Variants in DST observed in about 807,000 individuals in gnomAD.
The protein encoded by DST is bullous pemphigoid antigen.
A neutral mutation model predicts 875.2 loss-of-function variants in DST; 253 were observed. That is an observed-to-expected ratio of 0.29 (90% CI 0.26 to 0.32). DST has a LOEUF of 0.32. Ranked by LOEUF, DST falls within the 10% of genes least tolerant of loss-of-function variation. DST has a pLI of 1.00. For missense variants in DST, 8,287 were observed against 9,111.6 expected (o/e 0.91, Z 3.68); for synonymous variants, 3,124 against 3,197.1 (o/e 0.98, Z 0.77).
At chr6:56,938,108 C>CTCTCTCTCTCTCTCTCTA (rs1383243392) in intron 2 of DST, among the ~76,000 whole-genome samples, 6 of 120,724 alleles carry the variant, frequency 5.0e-5, no homozygotes, top group African/African-American at 1.8e-4. Context: ...CTCTCTCTCT[C>CTCTCTCTCTCTCTCTCTA]TATATATATA....
At chr6:56,841,983 T>C (rs1312160273) in intron 4 of DST, among the ~76,000 whole-genome samples, 3 of 152,176 alleles carry the variant, frequency 2.0e-5, no homozygotes, top group Non-Finnish European at 2.9e-5. Flanking sequence ...TCTACAAGGA[T>C]TGCAAGAATT....
In DST at chr6:56,552,389, G is replaced by A; in HGVS notation, c.16403C>T (p.Ala5468Val). The A allele has an allele frequency of 1.2e-6, 2 of 1,613,920 alleles. No individual in the cohort carries two copies. Among genetic ancestry groups the A allele is most frequent in the Non-Finnish European group, 1.7e-6 (2 of 1,179,874 alleles). ...DLVGIKRDLE[A>V]LSKQCNKLLD... is the part of the protein sequence containing the mutation. ...TAACTTGTTGCATTGTTTGCTTAAGGCCTCCAAGTCCCTTTTGATTCCAAC... is the reference window on the plus strand; with the variant it reads ...TAACTTGTTGCATTGTTTGCTTAAGACCTCCAAGTCCCTTTTGATTCCAAC... The change falls in exon 61 of 104, where the codon GCC becomes GTC. Residue 5468 changes from alanine (A) to valine (V), a missense_variant. This residue lies in a region of DST where 777 missense variants were observed against 764.8 expected (regional missense o/e 1.02). Transcript: ENST00000680361.
In DST at chr6:56,676,218, C is replaced by G. The variant is rs562295798; in HGVS notation, c.1048-5411G>C. ...AGTAACTGGCACTACAGGTGCCCAC[C>G]ACCACACCTGGGTAATTTTTTGTAT... On this transcript the variant is annotated intron_variant, in intron 9 of 103. Coordinates refer to ENST00000680361, the MANE Select transcript of DST (RefSeq NM_001374736.1). Among the ~76,000 whole-genome samples the G allele has an allele frequency of 2.5e-4, 38 of 152,316 alleles. No homozygotes were observed. In the East Asian group the frequency reaches 7.0e-3, roughly 28 times the overall value.
chr6:56,826,240 A>G (rs1468350318), intron 4 of DST, among the ~76,000 whole-genome samples: 1 of 152,236 alleles, frequency 6.6e-6, no homozygotes, highest in Non-Finnish European at 1.5e-5. Flanking sequence ...AAGTCTATAA[A>G]TTGTTTATGA....
At chr6:56,925,629 A>G (rs924380213) in intron 2 of DST, among the ~76,000 whole-genome samples, 2 of 152,236 alleles carry the variant, frequency 1.3e-5, no homozygotes, top group Non-Finnish European at 2.9e-5. Flanking sequence ...TTCCGAACAC[A>G]GCTTGCCGAT....
intron 4 of DST, among the ~76,000 whole-genome samples, chr6:56,768,691 T>C (rs1202654281): frequency 1.3e-5 from 2 of 152,046 alleles, no homozygotes; most frequent in Non-Finnish European, 2.9e-5. Context: ...AAAACATAGG[T>C]TGGATTCATT....
At chr6:56,675,366 C>T (rs2099123314) in intron 9 of DST, among the ~76,000 whole-genome samples, 1 of 152,022 alleles carries the variant, frequency 6.6e-6, no homozygotes, top group Non-Finnish European at 1.5e-5. Flanking sequence ...TTGGATATGA[C>T]TCCAAAAGCA....
At chr6:56,634,068 G>C in intron 27 of DST, 64 bp downstream of exon 27, 1 of 1,585,214 alleles carries the variant, frequency 6.3e-7, no homozygotes, top group Non-Finnish European at 8.6e-7. Flanking sequence ...CAAACTCTAC[G>C]ACACATATGA....
intron 3 of DST, among the ~76,000 whole-genome samples, chr6:56,882,372 T>C (rs995771816): frequency 1.3e-5 from 2 of 152,244 alleles, no homozygotes; most frequent in Non-Finnish European, 2.9e-5. Flanking sequence ...TTTGGCAAAG[T>C]AGCTAAAAAT....
chr6:56,619,012 G>A, intron 36 of DST: 2 of 1,614,152 alleles, frequency 1.2e-6, no homozygotes, highest in Non-Finnish European at 1.7e-6. Context: ...TGGTATTCTG[G>A]ATGATAATGT....
intron 9 of DST, among the ~76,000 whole-genome samples, chr6:56,673,080 C>A (rs1003217415): frequency 2.6e-5 from 4 of 151,780 alleles, no homozygotes; most frequent in African/African-American, 9.7e-5. Context: ...CATAGTGAGA[C>A]CCTGTCTCTA....
intron 61 of DST, among the ~76,000 whole-genome samples, chr6:56,548,530 A>G (rs1562709417): frequency 6.6e-6 from 1 of 152,224 alleles, no homozygotes; most frequent in Non-Finnish European, 1.5e-5. Flanking sequence ...TAATGTGTTA[A>G]TATTAATGTT....
chr6:56,577,342 T>C (rs2097887232), intron 50 of DST, among the ~76,000 whole-genome samples: 1 of 152,226 alleles, frequency 6.6e-6, no homozygotes, highest in Admixed American at 6.5e-5. Context: ...TGGTATCTAA[T>C]GTGGATATAT....
In DST at chr6:56,664,170, T is replaced by C. The variant is rs559135267; in HGVS notation, c.1214+6471A>G. Reference sequence around the variant, plus strand: ...AAGCCCTCCTGCACATTCTGCACTGTTCTCTCTGGCCTTCAGGTACATATT... The same window carrying C: ...AAGCCCTCCTGCACATTCTGCACTGCTCTCTCTGGCCTTCAGGTACATATT... On this transcript the variant is annotated intron_variant, in intron 10 of 103. Coordinates refer to ENST00000680361, the MANE Select transcript of DST (RefSeq NM_001374736.1). Among the ~76,000 whole-genome samples, 4 of 152,296 alleles carry C rather than the reference T, an allele frequency of 2.6e-5. No individual in the cohort carries two copies. The East Asian group carries it at 7.7e-4, about 29-fold the overall frequency.
intron 4 of DST, among the ~76,000 whole-genome samples, chr6:56,769,454 A>C (rs1463530374): frequency 2.0e-5 from 3 of 152,222 alleles, no homozygotes; most frequent in Non-Finnish European, 2.9e-5. Context: ...TGATGTGAGA[A>C]GAGGAAGGAT....
intron 9 of DST, among the ~76,000 whole-genome samples, chr6:56,694,803 C>G (rs531124217): frequency 7.9e-5 from 12 of 152,152 alleles, no homozygotes; most frequent in Admixed American, 7.2e-4. Flanking sequence ...CGGCCATCCC[C>G]ACAGTAATGA....
At chr6:56,669,287 C>CAAAAAA (rs1055863442) in intron 10 of DST, among the ~76,000 whole-genome samples, 1 of 69,392 alleles carries the variant, frequency 1.4e-5, no homozygotes. Flanking sequence ...TTTGTAAAAC[C>CAAAAAA]AAAAAAAAAA....
intron 92 of DST, 123 bp downstream of exon 92, chr6:56,476,026 A>T (rs897176943): frequency 2.4e-6 from 2 of 839,892 alleles, no homozygotes; most frequent in East Asian, 5.5e-5. Flanking sequence ...AGTTGTAAGG[A>T]GCTGAGGAGT....
At position 56,851,620 on chromosome 6, in the gene DST, C is replaced by T; in HGVS notation, c.418-16G>A. The T allele has an allele frequency of 6.2e-7, 1 of 1,611,270 alleles. No individual in the cohort carries two copies. The highest frequency in any genetic ancestry group is 8.5e-7 in the Non-Finnish European group (1 of 1,178,386). ...TCCCGGAACTCTACAGAGAATGACA[C>T]AGAAAAAGCATTAACAGCAAAATAC... is the stretch of plus-strand genomic sequence containing the variant. On this transcript the variant is annotated splice_polypyrimidine_tract_variant and intron_variant, in intron 3 of 103. Transcript: ENST00000680361.
Sources: allele counts gnomAD v4.1 joint callset (sites outside exome capture counted in the v4.1 genomes callset), GRCh38; gene constraint gnomAD v4.1.1; regional missense constraint gnomAD v4.1.1; transcripts MANE v1.5; gene names NCBI Gene and HGNC (gene_info 2026-07-23, HGNC 2026-07-21).